The following KCNH1 variants were observed in gnomAD, a reference collection of about 807,000 sequenced individuals.
KCNH1 encodes voltage-gated delayed rectifier potassium channel KCNH1.
Under a neutral mutation model 69.2 loss-of-function variants are expected in KCNH1, and 27 were observed. The observed-to-expected ratio is 0.39, with a 90% confidence interval of 0.29 to 0.54. The LOEUF is 0.54. Among genes scored for constraint, KCNH1 ranks in the 20% least tolerant of loss-of-function variants. The probability of loss-of-function intolerance (pLI) is 0.68; values close to 1 mark genes in which losing one functional copy is unlikely to be tolerated. For missense variants in KCNH1, 798 were observed against 1,261.6 expected (o/e 0.63, Z 5.57); for synonymous variants, 456 against 487.7 (o/e 0.93, Z 0.86).
At chr1:210,951,495 A>T (rs905693895) in intron 6 of KCNH1, among the ~76,000 whole-genome samples, 1 of 152,160 alleles carries the variant, frequency 6.6e-6, no homozygotes, top group Admixed American at 6.5e-5. Flanking sequence ...AGCTATTGGA[A>T]GCTATGCAAT....
chr1:210,684,762 T>C (rs188843650), intron 10 of KCNH1, among the ~76,000 whole-genome samples: 82 of 152,338 alleles, frequency 5.4e-4, no homozygotes, highest in African/African-American at 1.9e-3. Flanking sequence ...GAGCTTACAG[T>C]AGACTAACAT....
chr1:210,709,719 AAG>A (rs1345636259), intron 10 of KCNH1, among the ~76,000 whole-genome samples: 2 of 132,110 alleles, frequency 1.5e-5, no homozygotes, highest in East Asian at 4.2e-4. Flanking sequence ...GAAAGAAAGA[AAG>A]AAGAGAGAGA....
At chr1:211,072,714 AAT>A (rs1360240679) in intron 5 of KCNH1, among the ~76,000 whole-genome samples, 13 of 152,292 alleles carry the variant, frequency 8.5e-5, no homozygotes, top group South Asian at 2.1e-4. Flanking sequence ...CTGAAAAAAA[AAT>A]TTTTTTTGCA....
chr1:210,902,897 T>C (rs1197473292), intron 7 of KCNH1, among the ~76,000 whole-genome samples: 1 of 152,224 alleles, frequency 6.6e-6, no homozygotes, highest in Non-Finnish European at 1.5e-5. Flanking sequence ...TCTAAAATAA[T>C]ATTCCTTGCT....
chr1:210,939,334 T>C (rs556624902), intron 6 of KCNH1, among the ~76,000 whole-genome samples: 4 of 152,248 alleles, frequency 2.6e-5, no homozygotes, highest in Admixed American at 2.6e-4. Flanking sequence ...AATGAAAATA[T>C]AGGGTGCCAA....
At chr1:210,918,279 T>C (rs748378218) in intron 7 of KCNH1, among the ~76,000 whole-genome samples, 1 of 152,164 alleles carries the variant, frequency 6.6e-6, no homozygotes, top group Non-Finnish European at 1.5e-5. Context: ...ATTTGTCAAC[T>C]CCACCCTACA....
chr1:210,859,493 C>T, intron 7 of KCNH1: 1 of 1,605,798 alleles, frequency 6.2e-7, no homozygotes, highest in African/African-American at 1.3e-5. Flanking sequence ...TCACCTTCTT[C>T]CCAATCTTCA....
At chr1:210,833,696 A>G (rs1685218118) in intron 7 of KCNH1, among the ~76,000 whole-genome samples, 1 of 152,294 alleles carries the variant, frequency 6.6e-6, no homozygotes, top group Admixed American at 6.5e-5. Flanking sequence ...GATCTAATTA[A>G]ACTAAAGAGC....
chr1:210,913,806 C>G (rs1261418344), intron 7 of KCNH1, among the ~76,000 whole-genome samples: 2 of 152,216 alleles, frequency 1.3e-5, no homozygotes, highest in African/African-American at 2.4e-5. Context: ...AGGCACATGA[C>G]CACTCAGAAT....
At position 210,862,400 on chromosome 1, in the gene KCNH1, A is replaced by G. The variant is rs913729644; in HGVS notation, c.1462+57240T>C. The G allele has an allele frequency of 2.0e-5, 12 of 587,176 alleles. No individual in the cohort carries two copies. The East Asian group carries it at 4.0e-4, about 19-fold the overall frequency. The allele number at this position is 587,176 out of a possible 1,614,324, so 36.4% of individuals were successfully genotyped here. On this transcript the variant is annotated intron_variant, in intron 7 of 10. Coordinates refer to ENST00000271751, the MANE Select transcript of KCNH1 (RefSeq NM_172362.3). ...ACTGGCGCAAAAGGGCAATGGTGCA[A>G]TCTTAACTCACTGTAACCTTGAACT...
chr1:210,815,345 G>A (rs984294928), intron 7 of KCNH1, among the ~76,000 whole-genome samples: 3 of 152,136 alleles, frequency 2.0e-5, no homozygotes, highest in Admixed American at 1.3e-4. Flanking sequence ...AATGCATAAG[G>A]AGACTCTGAA....
At chr1:210,803,468 C>T (rs1684469661) in intron 8 of KCNH1, among the ~76,000 whole-genome samples, 1 of 152,080 alleles carries the variant, frequency 6.6e-6, no homozygotes, top group African/African-American at 2.4e-5. Context: ...GCCTTGGGCA[C>T]ACAAATTAAG....
intron 6 of KCNH1, among the ~76,000 whole-genome samples, chr1:211,004,978 T>G (rs1455312086): frequency 6.6e-6 from 1 of 152,084 alleles, no homozygotes; most frequent in African/African-American, 2.4e-5. Flanking sequence ...TGGAAACATT[T>G]AATAATAAAG....
At chr1:210,825,385 A>G (rs1436661611) in intron 7 of KCNH1, among the ~76,000 whole-genome samples, 4 of 152,226 alleles carry the variant, frequency 2.6e-5, no homozygotes, top group Non-Finnish European at 5.9e-5. Context: ...TTATGTTATT[A>G]AGTGAAACTG....
chr1:210,738,885 G>C (rs1481654873), intron 10 of KCNH1, among the ~76,000 whole-genome samples: 1 of 152,074 alleles, frequency 6.6e-6, no homozygotes, highest in African/African-American at 2.4e-5. Context: ...TTGTTTCTCA[G>C]CCTGATTCAT....
At chr1:210,975,158 C>T (rs1688580774) in intron 6 of KCNH1, among the ~76,000 whole-genome samples, 2 of 152,082 alleles carry the variant, frequency 1.3e-5, no homozygotes, top group Admixed American at 1.3e-4. Context: ...TGCTAGCAAC[C>T]AGTTTTACCA....
intron 7 of KCNH1, among the ~76,000 whole-genome samples, chr1:210,819,579 A>G (rs1384546806): frequency 6.6e-6 from 1 of 151,884 alleles, no homozygotes; most frequent in African/African-American, 2.4e-5. Context: ...CTAAGCAGTG[A>G]CTAGTAGTTA....
intron 5 of KCNH1, among the ~76,000 whole-genome samples, chr1:211,053,660 A>G (rs1310687343): frequency 2.0e-5 from 3 of 152,216 alleles, no homozygotes; most frequent in African/African-American, 7.2e-5. Flanking sequence ...CATAGTTAGC[A>G]GCTCCAAGGC....
rs141545227 is a variant in KCNH1 at position 210,974,793 on chromosome 1, A to G, written c.1032+43990T>C. 8.1e-3 allele frequency among the ~76,000 whole-genome samples: 1,236 copies of G among 151,920 alleles called. 19 individuals are homozygous for G. Among genetic ancestry groups the G allele is most frequent in the African/African-American group, 0.028 (1,147 of 41,428 alleles). ...TATCCACGATGGTCTTGATCTCCTG[A>G]CCTCGTGATCCACCCACCTTGGCCT... is the stretch of plus-strand genomic sequence containing the variant. On this transcript the variant is annotated intron_variant, in intron 6 of 10. Coordinates refer to ENST00000271751, the MANE Select transcript of KCNH1 (RefSeq NM_172362.3).
Sources: allele counts gnomAD v4.1 joint callset (sites outside exome capture counted in the v4.1 genomes callset), GRCh38; gene constraint gnomAD v4.1.1; transcripts MANE v1.5; gene names NCBI Gene and HGNC (gene_info 2026-07-23, HGNC 2026-07-21).